RELCH: variants seen among roughly 807,000 people sequenced by gnomAD.
The protein encoded by RELCH is RAB11-binding protein RELCH.
In RELCH, 41 loss-of-function variants were observed where a neutral mutation model predicts 150.3. That is an observed-to-expected ratio of 0.27 (90% CI 0.21 to 0.35). The LOEUF (loss-of-function observed/expected upper bound fraction) is 0.35, where lower values mean the gene tolerates loss of function less well. RELCH is among the 10% of genes least tolerant of loss of function. RELCH has a pLI of 1.00. For synonymous variants in RELCH, 478 were observed against 531.8 expected, an observed-to-expected ratio of 0.90 and a Z score of 1.39; for missense variants, 1,092 against 1,467.8, an observed-to-expected ratio of 0.74 and a Z score of 4.18.
intron 20 of RELCH, among the ~76,000 whole-genome samples, chr18:62,270,436 T>A (rs17646035): frequency 0.16 from 24,727 of 152,112 alleles, 2,694 homozygotes; most frequent in Middle Eastern, 0.28. Context: ...TCTCAAAGCA[T>A]AGTAGTAATT....
intron 27 of RELCH, among the ~76,000 whole-genome samples, chr18:62,295,097 C>T (rs1163675561): frequency 6.6e-6 from 1 of 152,166 alleles, no homozygotes; most frequent in African/African-American, 2.4e-5. Context: ...CTGTTCATGA[C>T]CCTTACCTTC....
intron 1 of RELCH, among the ~76,000 whole-genome samples, chr18:62,189,125 G>A (rs1453757122): frequency 1.3e-5 from 2 of 152,126 alleles, no homozygotes; most frequent in Non-Finnish European, 2.9e-5. Flanking sequence ...TTTCTCAGTA[G>A]TTATAATTTC....
intron 17 of RELCH, 102 bp from the exon 18 acceptor site, chr18:62,264,627 C>T (rs905845050): frequency 2.9e-5 from 25 of 863,244 alleles, no homozygotes; most frequent in South Asian, 8.7e-5. Flanking sequence ...TTTCAAAGAA[C>T]GAAATAGAAC....
At chr18:62,211,469 T>G (rs2040165801) in intron 2 of RELCH, among the ~76,000 whole-genome samples, 1 of 152,226 alleles carries the variant, frequency 6.6e-6, no homozygotes, top group Non-Finnish European at 1.5e-5. Context: ...ATTTGCTAAG[T>G]TATACTTGGA....
intron 27 of RELCH, among the ~76,000 whole-genome samples, chr18:62,296,746 C>G (rs1046849962): frequency 8.5e-5 from 13 of 152,130 alleles, no homozygotes; most frequent in African/African-American, 3.1e-4. Context: ...TAGATATTGT[C>G]AAATGTTTTC....
At chr18:62,280,041 C>T (rs1180916956) in intron 23 of RELCH, among the ~76,000 whole-genome samples, 185 bp downstream of exon 23, 1 of 152,190 alleles carries the variant, frequency 6.6e-6, no homozygotes, top group African/African-American at 2.4e-5. Flanking sequence ...AATCAACCCT[C>T]ACCATAAGTG....
At chr18:62,220,041 T>C (rs2040750643) in intron 2 of RELCH, among the ~76,000 whole-genome samples, 1 of 152,114 alleles carries the variant, frequency 6.6e-6, no homozygotes, top group Non-Finnish European at 1.5e-5. Flanking sequence ...GCTTTACTTC[T>C]CAGAAATATA....
At chr18:62,286,354 C>T (rs900925871) in intron 25 of RELCH, among the ~76,000 whole-genome samples, 1 of 151,988 alleles carries the variant, frequency 6.6e-6, no homozygotes, top group Non-Finnish European at 1.5e-5. Context: ...TTAATTTTGA[C>T]AAGTCAAAAG....
In RELCH at chr18:62,279,793, A is replaced by T; in HGVS notation, c.2987A>T (p.Asn996Ile). Residue 996 changes from asparagine to isoleucine, a missense_variant, in exon 23 of 29, where the codon AAT (asparagine) becomes ATT (isoleucine). Around this residue, in one of 4 missense-constraint regions of RELCH, gnomAD observed 707 missense variants for 1,025.4 expected, o/e 0.69. Coordinates refer to ENST00000644646, the MANE Select transcript of RELCH (RefSeq NM_001346231.2). ...AATCAGCTGTTGGTGAAGGGGGTGAATGAAACTCTGGTAGCTCAGAGGGTT... is the reference window on the plus strand; with the variant it reads ...AATCAGCTGTTGGTGAAGGGGGTGATTGAAACTCTGGTAGCTCAGAGGGTT... ...RMFELLVKGV[N>I]ETLVAQRVVP... 1 of 1,535,692 alleles carries T rather than the reference A, an allele frequency of 6.5e-7. No individual in the cohort carries two copies. The highest frequency in any genetic ancestry group is 8.7e-7 in the Non-Finnish European group (1 of 1,146,606).
chr18:62,216,866 C>T (rs1227883167), intron 2 of RELCH, among the ~76,000 whole-genome samples: 1 of 151,926 alleles, frequency 6.6e-6, no homozygotes, highest in Non-Finnish European at 1.5e-5. Context: ...TTTTGTTTCT[C>T]CCTAGGTACA....
intron 22 of RELCH, chr18:62,277,868 T>G: frequency 2.2e-6 from 2 of 925,602 alleles, no homozygotes; most frequent in Non-Finnish European, 2.6e-6. Context: ...TCATATATAT[T>G]TTAATCATAA....
At chr18:62,219,186 C>A (rs972928627) in intron 2 of RELCH, among the ~76,000 whole-genome samples, 1 of 151,642 alleles carries the variant, frequency 6.6e-6, no homozygotes, top group African/African-American at 2.4e-5. Context: ...AATATAAATT[C>A]TTGCCGTCTG....
In RELCH at chr18:62,282,358, A is replaced by G; in HGVS notation, c.3167A>G (p.Tyr1056Cys). 2 of 1,613,232 alleles carry G rather than the reference A, an allele frequency of 1.2e-6. No homozygotes were observed. The highest frequency in any genetic ancestry group is 1.7e-6 in the Non-Finnish European group (2 of 1,179,530). Residue 1056 changes from tyrosine to cysteine, a missense_variant, in exon 25 of 29, where the codon TAT becomes TGT. This residue lies in a region of RELCH where 707 missense variants were observed against 1,025.4 expected (regional missense o/e 0.69). Transcript: ENST00000644646. ...QLASFLEDPQYQDQHSLHTEI... is the reference protein window; with the variant it reads ...QLASFLEDPQCQDQHSLHTEI... ...GCTTCTTTCCTGGAAGATCCTCAGTATCAAGACCAACATTCTTTGCATACA... is the reference window on the plus strand; with the variant it reads ...GCTTCTTTCCTGGAAGATCCTCAGTGTCAAGACCAACATTCTTTGCATACA...
At chr18:62,298,096 C>CCCCCG (rs1024884604) in intron 27 of RELCH, among the ~76,000 whole-genome samples, 1 of 150,870 alleles carries the variant, frequency 6.6e-6, no homozygotes, top group African/African-American at 2.5e-5. Flanking sequence ...TGCTTTATCC[C>CCCCCG]CCCCCGTCTA....
chr18:62,227,212 T>A, intron 5 of RELCH, 77 bp from the exon 6 acceptor site: 1 of 948,266 alleles, frequency 1.1e-6, no homozygotes, highest in Non-Finnish European at 1.6e-6. Context: ...AAAAAAGATA[T>A]TAGCAATAAT....
intron 10 of RELCH, chr18:62,235,368 T>A (rs999441646): frequency 6.6e-6 from 1 of 152,068 alleles, no homozygotes; most frequent in Non-Finnish European, 1.5e-5. Flanking sequence ...TGATAACTGT[T>A]GTTTGTAGTA....
intron 9 of RELCH, 106 bp downstream of exon 9, chr18:62,231,375 A>G: frequency 1.5e-6 from 1 of 661,706 alleles, no homozygotes; most frequent in Admixed American, 3.0e-5. Context: ...CTGTATTTCA[A>G]ATGCAAATCC....
intron 23 of RELCH, 117 bp downstream of exon 23, chr18:62,279,973 A>G (rs1317183004): frequency 9.0e-6 from 6 of 666,434 alleles, no homozygotes; most frequent in Non-Finnish European, 1.5e-5. Context: ...ATACTGGATT[A>G]TGCTTATTTG....
chr18:62,257,735 G>C (rs1349251175), intron 13 of RELCH, among the ~76,000 whole-genome samples: 4 of 151,816 alleles, frequency 2.6e-5, no homozygotes, highest in African/African-American at 9.7e-5. Flanking sequence ...ATTTGGGCAT[G>C]AGTGATATTT....
Sources: gnomAD v4.1 joint callset for allele counts (sites outside exome capture counted in the v4.1 genomes callset) on GRCh38, gnomAD v4.1.1 for gene constraint, gnomAD v4.1.1 regional missense constraint, MANE v1.5 for transcripts, NCBI Gene and HGNC (gene_info 2026-07-23, HGNC 2026-07-21) for gene names.